CLTCL1: variants seen among roughly 807,000 people sequenced by gnomAD.
CLTCL1 encodes clathrin heavy chain 2.
CLTCL1 carries 159 observed loss-of-function variants against 190.0 expected under a neutral mutation model. The ratio of observed to expected loss-of-function variants is 0.84; its 90% CI spans 0.74 to 0.95. The LOEUF (loss-of-function observed/expected upper bound fraction) is 0.95, where lower values mean the gene tolerates loss of function less well. Among genes scored for constraint, CLTCL1 ranks in the 40% least tolerant of loss-of-function variants. The pLI is 0.00. For synonymous variants in CLTCL1, 752 were observed against 769.6 expected, an observed-to-expected ratio of 0.98 and a Z score of 0.38; for missense variants, 1,878 against 2,033.4, an observed-to-expected ratio of 0.92 and a Z score of 1.47.
intron 1 of CLTCL1, among the ~76,000 whole-genome samples, chr22:19,281,890 T>C (rs1310439076): frequency 6.6e-6 from 1 of 152,108 alleles, no homozygotes; most frequent in East Asian, 1.9e-4. Flanking sequence ...TGTATGGCAT[T>C]TGAAAAAGGT....
At chr22:19,224,392 T>A (rs1310104293) in intron 13 of CLTCL1, among the ~76,000 whole-genome samples, 2 of 152,106 alleles carry the variant, frequency 1.3e-5, no homozygotes, top group Admixed American at 1.3e-4. Flanking sequence ...GGACTGCTTC[T>A]CTAAAAAGAC....
chr22:19,232,782 G>A lies in CLTCL1; in HGVS notation c.1522-184C>T, dbSNP rs1427616394. Reference sequence around the variant, plus strand: ...TAAATGAATTGATTTAATGTACATGGAAGGCACAATTAACTATACAAAGAG... The same window carrying A: ...TAAATGAATTGATTTAATGTACATGAAAGGCACAATTAACTATACAAAGAG... On this transcript the variant is annotated intron_variant, in intron 9 of 32. Transcript: ENST00000427926. 4 of 819,314 alleles carry A rather than the reference G, an allele frequency of 4.9e-6. No individual in the cohort carries two copies. In the Admixed American group the frequency reaches 1.2e-4, roughly 24 times the overall value. The allele number at this position is 819,314 out of a possible 1,614,324, so 50.8% of individuals were successfully genotyped here. A position where few individuals can be genotyped will look rare whatever the true frequency, so the allele number is the denominator to read the frequency against.
At chr22:19,269,261 G>A (rs991157157) in intron 2 of CLTCL1, among the ~76,000 whole-genome samples, 37 of 152,032 alleles carry the variant, frequency 2.4e-4, no homozygotes, top group Middle Eastern at 3.4e-3. Context: ...TTAGCCAAGC[G>A]CAATGGCAGG....
At chr22:19,227,502 A>G (rs1206543) in intron 11 of CLTCL1, among the ~76,000 whole-genome samples, 148,940 of 149,336 alleles carry the variant, frequency 1, 74,274 homozygotes, top group Middle Eastern at 1. Flanking sequence ...CCAGGCTGCA[A>G]TGCAGTGGCA....
chr22:19,238,102 T>C (rs782397242), intron 5 of CLTCL1, among the ~76,000 whole-genome samples: 13 of 152,244 alleles, frequency 8.5e-5, no homozygotes, highest in Non-Finnish European at 1.6e-4. Context: ...TATTTATTTT[T>C]TGGAAATGAA....
At chr22:19,186,707 TCTC>T (rs1358285486) in intron 29 of CLTCL1, among the ~76,000 whole-genome samples, 1 of 152,018 alleles carries the variant, frequency 6.6e-6, no homozygotes, top group Non-Finnish European at 1.5e-5. Context: ...TTCAAGCGAT[TCTC>T]CTGCCTCAGC....
At chr22:19,291,407 G>T (rs1158002659) in intron 1 of CLTCL1, among the ~76,000 whole-genome samples, 193 bp downstream of exon 1, 1 of 152,116 alleles carries the variant, frequency 6.6e-6, no homozygotes, top group Admixed American at 6.5e-5. Context: ...CTTCGGCGAC[G>T]GCACCCAAGC....
Position 19,229,931 on chromosome 22 carries a change from A to G in CLTCL1, c.1689T>C (p.Thr563=). 1.2e-6 allele frequency: 2 copies of G among 1,611,694 alleles called. No homozygotes were observed. The highest frequency in any genetic ancestry group is 1.7e-6 in the Non-Finnish European group (2 of 1,178,952). ...FMENSLIQQC[T]SFLLDALKNN... ...TCTTCAAGGCATCCAATAAGAAGGA[A>G]GTACACTGCTGAATTAAACTGTTTT... Residue 563 remains threonine, a synonymous_variant, in exon 11 of 33, where the codon ACT becomes ACC. Coordinates refer to ENST00000427926, the MANE Select transcript of CLTCL1 (RefSeq NM_007098.4).
intron 1 of CLTCL1, among the ~76,000 whole-genome samples, chr22:19,282,779 C>G (rs1441777446): frequency 6.6e-6 from 1 of 151,908 alleles, no homozygotes. Flanking sequence ...ATCTAAGATG[C>G]CAGATACTAC....
chr22:19,193,593 G>T (rs1419951098), intron 26 of CLTCL1, among the ~76,000 whole-genome samples: 1 of 152,242 alleles, frequency 6.6e-6, no homozygotes, highest in Admixed American at 6.5e-5. Context: ...ACTGAAGGCT[G>T]GGCGTGGTGG....
Position 19,254,042 on chromosome 22 carries a change from T to G in CLTCL1, c.436A>C (p.Thr146Pro). ...ATCACCTGGCAGCCCACCAGACTGG[T>G]ATGTCTATCAAACATCTTCATGGGC... ...SQPMKMFDRH[T>P]SLVGCQVIHY... is the part of the protein sequence containing the mutation. The change falls in exon 3 of 33, where the codon ACC (threonine) becomes CCC (proline). Residue 146 changes from threonine to proline, a missense_variant. Physicochemically the swap from Thr to Pro is conservative, Grantham distance 38. Transcript: ENST00000427926. 1.2e-6 allele frequency: 2 copies of G among 1,612,238 alleles called. No homozygotes were observed.
chr22:19,224,169 C>T, intron 13 of CLTCL1, 115 bp from the exon 14 acceptor site: 3 of 986,810 alleles, frequency 3.0e-6, no homozygotes, highest in East Asian at 2.6e-5. Flanking sequence ...CCACAGCACA[C>T]TCAGAACTCA....
intron 2 of CLTCL1, among the ~76,000 whole-genome samples, chr22:19,266,603 G>C (rs1221780424): frequency 6.6e-6 from 1 of 152,008 alleles, no homozygotes; most frequent in Non-Finnish European, 1.5e-5. Context: ...GTCACAAAAG[G>C]ACATCACAAG....
intron 18 of CLTCL1, among the ~76,000 whole-genome samples, chr22:19,217,828 A>G (rs569971116): frequency 6.6e-6 from 1 of 150,646 alleles, no homozygotes. Context: ...AGCCTGGTGA[A>G]GAGCAAAACT....
chr22:19,199,802 C>G lies in CLTCL1; in HGVS notation c.3805G>C (p.Ala1269Pro). The G allele has an allele frequency of 1.3e-6, 2 of 1,598,198 alleles. No individual in the cohort carries two copies. Among genetic ancestry groups the G allele is most frequent in the Non-Finnish European group, 1.7e-6 (2 of 1,172,766 alleles). The change falls in exon 24 of 33, where the codon GCA (alanine) becomes CCA (proline). Residue 1269 changes from alanine to proline, a missense_variant. Physicochemically the swap from Ala to Pro is conservative, Grantham distance 27. Transcript: ENST00000427926. ...ACMDGQEFRFAQLCGLHIVIH... is the reference protein window; with the variant it reads ...ACMDGQEFRFPQLCGLHIVIH... ...ACGATGTGAAGACCACACAGCTGTG[C>G]GAAGCGGAACTCTTGTCCATCCATG...
At position 19,251,466 on chromosome 22, in the gene CLTCL1, T is replaced by C. The variant is rs150008062; in HGVS notation, c.519+2493A>G. On this transcript the variant is annotated intron_variant, in intron 3 of 32. Coordinates refer to ENST00000427926, the MANE Select transcript of CLTCL1 (RefSeq NM_007098.4). ...TAAATCTAGATGCCTTTTTGTTTTG[T>C]TTTGTTTCTGAGACGGAGTCTCGCT... Among the ~76,000 whole-genome samples, 171 of 152,338 alleles carry C rather than the reference T, an allele frequency of 1.1e-3. 1 individual carries two copies. Among genetic ancestry groups the C allele is most frequent in the African/African-American group, 3.8e-3 (158 of 41,588 alleles).
intron 3 of CLTCL1, chr22:19,249,825 C>T: frequency 2.9e-6 from 1 of 340,316 alleles, no homozygotes; most frequent in Non-Finnish European, 6.0e-6. Context: ...ACTTTCATAC[C>T]CTGTTCACAA....
chr22:19,228,909 C>T (rs1569198776), intron 11 of CLTCL1, among the ~76,000 whole-genome samples: 1 of 152,094 alleles, frequency 6.6e-6, no homozygotes, highest in Non-Finnish European at 1.5e-5. Context: ...ATGGTGATTA[C>T]TATTATTATT....
In CLTCL1 at chr22:19,187,667, AGCT is replaced by A; in HGVS notation, c.4493_4495del (p.Gln1498del). 1 of 1,613,848 alleles carries A rather than the reference AGCT, an allele frequency of 6.2e-7. No homozygotes were observed. The highest frequency in any genetic ancestry group is 8.5e-7 in the Non-Finnish European group (1 of 1,179,894). On this transcript the variant is annotated inframe_deletion, in exon 29 of 33. Coordinates refer to ENST00000427926, the MANE Select transcript of CLTCL1 (RefSeq NM_007098.4). The stretch of plus-strand genomic sequence containing the variant: ...GAACTCCATCAGCTGATGCTTCTCC[AGCT>A]GCTGAGCCAGGCTGATGTTGTCAAA...
Sources: allele counts gnomAD v4.1 joint callset (sites outside exome capture counted in the v4.1 genomes callset), GRCh38; gene constraint gnomAD v4.1.1; transcripts MANE v1.5; gene names NCBI Gene and HGNC (gene_info 2026-07-23, HGNC 2026-07-21).